DPP6: variants seen among roughly 807,000 people sequenced by gnomAD.
DPP6 encodes the protein A-type potassium channel modulatory protein DPP6.
Under a neutral mutation model 122.6 loss-of-function variants are expected in DPP6, and 69 were observed. That is an observed-to-expected ratio of 0.56 (90% CI 0.46 to 0.69). DPP6 has a LOEUF of 0.69. Ranked by LOEUF, DPP6 falls within the 30% of genes least tolerant of loss-of-function variation. The pLI is 0.00. For synonymous variants in DPP6, 418 were observed against 433.1 expected (o/e 0.97, Z 0.43); for missense variants, 928 against 1,116.9 (o/e 0.83, Z 2.41).
chr7:154,667,003 T>A (rs952807066), intron 6 of DPP6, among the ~76,000 whole-genome samples: 1 of 152,186 alleles, frequency 6.6e-6, no homozygotes, highest in Non-Finnish European at 1.5e-5. Flanking sequence ...TGTGTCATAC[T>A]TTTTTCTTCT....
At chr7:154,369,451 TTC>T (rs1812457524) in intron 1 of DPP6, among the ~76,000 whole-genome samples, 1 of 150,272 alleles carries the variant, frequency 6.7e-6, no homozygotes. Flanking sequence ...CACTGCAACC[TTC>T]CGCCTCCTGG....
intron 8 of DPP6, among the ~76,000 whole-genome samples, chr7:154,763,069 C>T (rs556661015): frequency 4.2e-4 from 64 of 152,340 alleles, no homozygotes; most frequent in African/African-American, 1.5e-3. Context: ...CGGTGGCTCA[C>T]GCCTGTAATC....
intron 7 of DPP6, among the ~76,000 whole-genome samples, chr7:154,689,682 A>G (rs1839828541): frequency 6.6e-6 from 1 of 152,258 alleles, no homozygotes; most frequent in Admixed American, 6.5e-5. Flanking sequence ...GTAGGTACAA[A>G]CACAAAACTA....
intron 1 of DPP6, among the ~76,000 whole-genome samples, chr7:154,369,210 T>C (rs1046975066): frequency 2.0e-5 from 3 of 152,188 alleles, no homozygotes; most frequent in African/African-American, 7.2e-5. Context: ...TTCTCCTGCC[T>C]CAGCCTCCCA....
At chr7:154,501,911 C>A (rs973161223) in intron 3 of DPP6, among the ~76,000 whole-genome samples, 1 of 149,880 alleles carries the variant, frequency 6.7e-6, no homozygotes, top group African/African-American at 2.5e-5. Context: ...ATGAAAGCAG[C>A]CTGAAGGGAG....
intron 5 of DPP6, among the ~76,000 whole-genome samples, chr7:154,637,017 G>T (rs550754334): frequency 6.6e-6 from 1 of 152,296 alleles, no homozygotes; most frequent in Non-Finnish European, 1.5e-5. Context: ...CACATATTCC[G>T]TATGTTCGAC....
rs1433607793 is a variant in DPP6 at position 154,002,321 on chromosome 7, T to C, written c.51+114587T>C. 4.6e-5 allele frequency among the ~76,000 whole-genome samples: 7 copies of C among 151,984 alleles called. No individual in the cohort carries two copies. The South Asian group carries it at 1.0e-3, about 23-fold the overall frequency. On this transcript the variant is annotated intron_variant, in intron 1 of 25. Transcript: ENST00000404039. ...GTAGTAAGTAGCTTCCTATATAATA[T>C]AATTTGTAGATGACTAAAAGCAAGG...
the DPP6 span, among the ~76,000 whole-genome samples, chr7:153,830,353 C>T: frequency 6.6e-6 from 1 of 152,152 alleles, no homozygotes; most frequent in African/African-American, 2.4e-5. Flanking sequence ...CATAGCAAAA[C>T]CTGCTGAAAG....
At chr7:154,356,070 A>C (rs1372031701) in intron 1 of DPP6, among the ~76,000 whole-genome samples, 1 of 151,804 alleles carries the variant, frequency 6.6e-6, no homozygotes, top group African/African-American at 2.4e-5. Context: ...TTCATTCCTA[A>C]GTGTTTGAGG....
intron 1 of DPP6, chr7:154,092,518 G>A (rs1038676445): frequency 1.5e-4 from 22 of 148,922 alleles, no homozygotes; most frequent in African/African-American, 5.4e-4. Flanking sequence ...AACAGAACAG[G>A]TTTTCTGTAC....
intron 1 of DPP6, among the ~76,000 whole-genome samples, chr7:154,197,969 G>A (rs1480694003): frequency 6.6e-6 from 1 of 152,108 alleles, no homozygotes; most frequent in Non-Finnish European, 1.5e-5. Context: ...GCAGCTGCTG[G>A]GAATCACTCT....
chr7:154,638,525 A>C (rs1835870788), intron 6 of DPP6, among the ~76,000 whole-genome samples: 1 of 152,096 alleles, frequency 6.6e-6, no homozygotes, highest in South Asian at 2.1e-4. Context: ...CCCCGGCTTC[A>C]TTCTTTCATG....
intron 1 of DPP6, among the ~76,000 whole-genome samples, chr7:153,894,931 G>A (rs140720894): frequency 6.6e-6 from 1 of 152,088 alleles, no homozygotes; most frequent in Non-Finnish European, 1.5e-5. Context: ...TGTGGAGGCC[G>A]CCAAATACAT....
chr7:154,476,664 C>G (rs1001602301), intron 3 of DPP6, among the ~76,000 whole-genome samples: 5 of 152,172 alleles, frequency 3.3e-5, no homozygotes, highest in African/African-American at 4.8e-5. Flanking sequence ...TTAGAGAAAG[C>G]TAAGAATAGA....
At chr7:154,461,810 G>A (rs1821323922) in intron 2 of DPP6, among the ~76,000 whole-genome samples, 1 of 152,170 alleles carries the variant, frequency 6.6e-6, no homozygotes, top group African/African-American at 2.4e-5. Flanking sequence ...ACTCCATTCT[G>A]TGGGTTGTCT....
chr7:154,286,818 T>A (rs1804883362), intron 1 of DPP6, among the ~76,000 whole-genome samples: 1 of 151,868 alleles, frequency 6.6e-6, no homozygotes, highest in African/African-American at 2.4e-5. Context: ...TTTTTTTTTT[T>A]TTCTTTTGAG....
rs531859955 is a variant in DPP6 at position 154,740,307 on chromosome 7, T to C, written c.883+12420T>C. 3.9e-5 allele frequency among the ~76,000 whole-genome samples: 6 copies of C among 152,234 alleles called. No individual in the cohort carries two copies. The South Asian group carries it at 1.2e-3, about 32-fold the overall frequency. Reference sequence around the variant, plus strand: ...TTGGGAACTCTAATTTCTTTTTTTTTTTTTTCCGTCTTCTTAAGTCACCTA... The same window carrying C: ...TTGGGAACTCTAATTTCTTTTTTTTCTTTTTCCGTCTTCTTAAGTCACCTA... On this transcript the variant is annotated intron_variant, in intron 8 of 25. Transcript: ENST00000377770.
intron 7 of DPP6, among the ~76,000 whole-genome samples, chr7:154,683,430 G>A (rs771501178): frequency 6.6e-6 from 1 of 152,150 alleles, no homozygotes; most frequent in African/African-American, 2.4e-5. Flanking sequence ...CCACCGGCTT[G>A]ATCCACTATA....
the DPP6 span, among the ~76,000 whole-genome samples, chr7:153,868,930 A>G: frequency 3.9e-4 from 60 of 152,274 alleles, no homozygotes; most frequent in Admixed American, 5.9e-4. Flanking sequence ...ATTCAGGAGC[A>G]GGTTGTTCAG....
Sources: gnomAD v4.1 joint callset for allele counts (sites outside exome capture counted in the v4.1 genomes callset) on GRCh38, gnomAD v4.1.1 for gene constraint, MANE v1.5 for transcripts, NCBI Gene and HGNC (gene_info 2026-07-23, HGNC 2026-07-21) for gene names.